CATSPERT: variants seen among roughly 807,000 people sequenced by gnomAD.
The protein encoded by CATSPERT is catsper channel auxiliary subunit tau, also known as cation channel sperm-associated targeting subunit tau.
the CATSPERT span, among the ~76,000 whole-genome samples, chr2:201,532,206 G>T: frequency 2.0e-5 from 3 of 152,166 alleles, no homozygotes; most frequent in Admixed American, 6.5e-5. Context: ...CCATTTATAA[G>T]AATATAAACT....
chr2:201,571,794 T>G, the CATSPERT span: 2 of 619,020 alleles, frequency 3.2e-6, no homozygotes, highest in Admixed American at 6.2e-5. Flanking sequence ...AACAATTCAC[T>G]ACTCTCTTCA....
chr2:201,580,309 T>A, the CATSPERT span, among the ~76,000 whole-genome samples: 5 of 152,216 alleles, frequency 3.3e-5, no homozygotes, highest in Admixed American at 2.6e-4. Context: ...TAGAGTAACA[T>A]TTCCCCTGCG....
the CATSPERT span, among the ~76,000 whole-genome samples, chr2:201,515,201 A>ATAGTTTTTTTTTT: frequency 1.4e-5 from 1 of 70,214 alleles, no homozygotes. Flanking sequence ...ATCTGCCCAT[A>ATAGTTTTTTTTTT]GTTTTTTTTT....
At chr2:201,597,940 T>C in the CATSPERT span, among the ~76,000 whole-genome samples, 8 of 152,218 alleles carry the variant, frequency 5.3e-5, no homozygotes, top group African/African-American at 1.9e-4. Flanking sequence ...TGTTGTACAT[T>C]TTAGCAAATT....
chr2:201,549,806 G>A, the CATSPERT span: 1 of 152,072 alleles, frequency 6.6e-6, no homozygotes, highest in Non-Finnish European at 1.5e-5. Context: ...TGCTTAAGAA[G>A]TAGAAACAGT....
chr2:201,613,379 CATTTGCTGTTCTGCAAT>C, the CATSPERT span, among the ~76,000 whole-genome samples: 3 of 152,206 alleles, frequency 2.0e-5, no homozygotes, highest in East Asian at 5.8e-4. Context: ...CAGACAGTAA[CATTTGCTGTTCTGCAAT>C]ATTTGCTGTT....
the CATSPERT span, chr2:201,550,217 G>C: frequency 6.6e-6 from 1 of 152,178 alleles, no homozygotes; most frequent in African/African-American, 2.4e-5. Context: ...ACAATGCTCA[G>C]AAATTTGTGG....
chr2:201,495,543 C>A, the CATSPERT span, among the ~76,000 whole-genome samples: 1 of 151,974 alleles, frequency 6.6e-6, no homozygotes, highest in Non-Finnish European at 1.5e-5. Context: ...CTAAAAAAAG[C>A]AAAATGTGAA....
chr2:201,562,527 T>TTTA, the CATSPERT span, among the ~76,000 whole-genome samples: 164 of 60,320 alleles, frequency 2.7e-3, no homozygotes, highest in East Asian at 0.14. Flanking sequence ...TATTTATTTA[T>TTTA]TTTTTTTATT....
At chr2:201,495,847 C>A in the CATSPERT span, 1 of 1,250,192 alleles carries the variant, frequency 8.0e-7, no homozygotes, top group South Asian at 1.4e-5. Flanking sequence ...TTGAAGAAAC[C>A]TAGTAATTAA....
chr2:201,514,023 A>G, the CATSPERT span, among the ~76,000 whole-genome samples: 37 of 152,342 alleles, frequency 2.4e-4, no homozygotes, highest in African/African-American at 8.2e-4. Flanking sequence ...ATAAGTCAAT[A>G]TTTATGGGAT....
the CATSPERT span, chr2:201,553,549 C>T: frequency 6.6e-6 from 1 of 152,160 alleles, no homozygotes; most frequent in Non-Finnish European, 1.5e-5. Context: ...TTTAGGTAAC[C>T]AAGTTACCTA....
chr2:201,569,270 CTG>C, the CATSPERT span, among the ~76,000 whole-genome samples: 78 of 152,276 alleles, frequency 5.1e-4, no homozygotes, highest in African/African-American at 1.7e-3. Flanking sequence ...GGCCATGACT[CTG>C]TTTTTATGAT....
At chr2:201,522,156 C>G in the CATSPERT span, among the ~76,000 whole-genome samples, 1 of 152,056 alleles carries the variant, frequency 6.6e-6, no homozygotes, top group Admixed American at 6.6e-5. Context: ...GAAGTTCTAG[C>G]CAGAGTAATT....
the CATSPERT span, among the ~76,000 whole-genome samples, chr2:201,573,946 TAC>T: frequency 6.6e-6 from 1 of 152,196 alleles, no homozygotes; most frequent in African/African-American, 2.4e-5. Context: ...TGTGAGCCAC[TAC>T]ACCTAGCCTA....
At chr2:201,493,187 A>T in the CATSPERT span, 9 of 1,533,354 alleles carry the variant, frequency 5.9e-6, no homozygotes, top group Non-Finnish European at 7.9e-6. Context: ...GAGTTAGTTA[A>T]ACTTTCTAAA....
At chr2:201,520,538 A>C in the CATSPERT span, among the ~76,000 whole-genome samples, 3 of 152,248 alleles carry the variant, frequency 2.0e-5, no homozygotes, top group Non-Finnish European at 4.4e-5. Flanking sequence ...AAATACATGG[A>C]AATTAAACAA....
At chr2:201,517,084 T>C in the CATSPERT span, among the ~76,000 whole-genome samples, 2,002 of 152,148 alleles carry the variant, frequency 0.013, 42 homozygotes, top group African/African-American at 0.045. Context: ...GGTGCCTATG[T>C]CTAACAGAAC....
chr2:201,561,530 A>G, the CATSPERT span, among the ~76,000 whole-genome samples: 1 of 152,196 alleles, frequency 6.6e-6, no homozygotes, highest in Non-Finnish European at 1.5e-5. Flanking sequence ...ATTATTCTAT[A>G]CATAATTAGT....
Sources: gnomAD v4.1 joint callset for allele counts (sites outside exome capture counted in the v4.1 genomes callset) on GRCh38, gnomAD v4.1.1 for gene constraint, MANE v1.5 for transcripts, NCBI Gene and HGNC (gene_info 2026-07-23, HGNC 2026-07-21) for gene names.